Variants in CLASP2 observed in about 807,000 individuals in gnomAD.
CLASP2 encodes the protein CLIP-associating protein 2.
In CLASP2, 47 loss-of-function variants were observed where a neutral mutation model predicts 194.4. The observed-to-expected ratio is 0.24, with a 90% CI of 0.19 to 0.31. CLASP2 has a LOEUF of 0.31. CLASP2 is among the 10% of genes least tolerant of loss of function. The probability of loss-of-function intolerance (pLI) is 1.00; values close to 1 mark genes in which losing one functional copy is unlikely to be tolerated. For missense variants in CLASP2, 1,445 were observed against 1,823.6 expected, an observed-to-expected ratio of 0.79 and a Z score of 3.78; for synonymous variants, 619 against 633.5, an observed-to-expected ratio of 0.98 and a Z score of 0.34.
At chr3:33,569,259 G>GT (rs1367455804) in intron 26 of CLASP2, among the ~76,000 whole-genome samples, 2 of 152,246 alleles carry the variant, frequency 1.3e-5, no homozygotes, top group African/African-American at 2.4e-5. Flanking sequence ...TTTTAAAAAA[G>GT]TTTGTCTTTA....
At chr3:33,517,612 G>GATTTAGGTAGTGAC (rs569906625) in intron 34 of CLASP2, among the ~76,000 whole-genome samples, 2 of 152,138 alleles carry the variant, frequency 1.3e-5, no homozygotes, top group Non-Finnish European at 2.9e-5. Context: ...ACGACCACTG[G>GATTTAGGTAGTGAC]ATTTAGGTAG....
intron 23 of CLASP2, among the ~76,000 whole-genome samples, chr3:33,576,625 A>G (rs1479068167): frequency 6.6e-6 from 1 of 152,174 alleles, no homozygotes; most frequent in Non-Finnish European, 1.5e-5. Context: ...TCACAGAGTA[A>G]CCCAGGACAA....
chr3:33,659,584 T>G (rs1301779998), intron 7 of CLASP2: 1 of 193,730 alleles, frequency 5.2e-6, no homozygotes. Context: ...ACTGCTCTCA[T>G]TATGCAGGAA....
chr3:33,613,762 A>T (rs1440436206), intron 12 of CLASP2, among the ~76,000 whole-genome samples: 9 of 152,182 alleles, frequency 5.9e-5, no homozygotes, highest in Non-Finnish European at 1.2e-4. Flanking sequence ...GGTAAAACCC[A>T]TGGAGATCCC....
Position 33,645,174 on chromosome 3 carries a change from A to G in CLASP2, c.716-271T>C, listed in dbSNP as rs997388334. The G allele has an allele frequency of 1.9e-5, 14 of 751,884 alleles. No homozygotes were observed. The African/African-American group carries it at 2.4e-4, about 13-fold the overall frequency. The allele number at this position is 751,884 out of a possible 1,614,324, so 46.6% of individuals were successfully genotyped here. A position where few individuals can be genotyped will look rare whatever the true frequency, so the allele number is the denominator to read the frequency against. On this transcript the variant is annotated intron_variant, in intron 7 of 38. Coordinates refer to ENST00000682230, the MANE Select transcript of CLASP2 (RefSeq NM_001365631.1). ...AAACATTTTAACTCTAAAGGTAGTA[A>G]AAGTATTTTTCATGTTTTTGCTACT...
chr3:33,508,790 A>C (rs1364599764), intron 37 of CLASP2, among the ~76,000 whole-genome samples: 1 of 152,248 alleles, frequency 6.6e-6, no homozygotes, highest in Admixed American at 6.5e-5. Flanking sequence ...AATAACCAAT[A>C]ATCTTCAAAG....
intron 1 of CLASP2, among the ~76,000 whole-genome samples, chr3:33,714,044 C>T (rs2093168904): frequency 6.6e-6 from 1 of 152,156 alleles, no homozygotes; most frequent in African/African-American, 2.4e-5. Flanking sequence ...AAGCAATATA[C>T]TTATGTCTCC....
intron 26 of CLASP2, among the ~76,000 whole-genome samples, chr3:33,569,912 A>C (rs970729262): frequency 1.3e-5 from 2 of 152,190 alleles, no homozygotes; most frequent in Admixed American, 1.3e-4. Context: ...GGAGGAAATG[A>C]GATGTGCAAC....
intron 8 of CLASP2, among the ~76,000 whole-genome samples, chr3:33,641,720 G>A (rs1294521608): frequency 2.0e-5 from 3 of 150,148 alleles, no homozygotes; most frequent in Non-Finnish European, 4.4e-5. Flanking sequence ...TACAAAAGCA[G>A]ATTAAGTCAC....
chr3:33,648,865 A>C (rs2082707162), intron 7 of CLASP2, among the ~76,000 whole-genome samples: 2 of 152,210 alleles, frequency 1.3e-5, no homozygotes, highest in Admixed American at 1.3e-4. Context: ...CAGTCTAGGA[A>C]TAACTGTCAC....
At position 33,601,115 on chromosome 3, in the gene CLASP2, C is replaced by G. The variant is rs188039667; in HGVS notation, c.1924+1837G>C. ...CTGGGACTACAGGCGCTCGCCACCACGCCCGGCTAGTTTTTTTTGTATTTT... is the reference window on the plus strand; with the variant it reads ...CTGGGACTACAGGCGCTCGCCACCAGGCCCGGCTAGTTTTTTTTGTATTTT... On this transcript the variant is annotated intron_variant, in intron 18 of 38. Coordinates refer to ENST00000682230, the MANE Select transcript of CLASP2 (RefSeq NM_001365631.1). 8.3e-3 allele frequency among the ~76,000 whole-genome samples: 1,263 copies of G among 152,102 alleles called. 19 individuals carry two copies. The highest frequency in any genetic ancestry group is 0.027 in the African/African-American group (1,141 of 41,492).
chr3:33,613,719 C>T (rs1223241065), intron 12 of CLASP2, among the ~76,000 whole-genome samples: 1 of 152,194 alleles, frequency 6.6e-6, no homozygotes, highest in Non-Finnish European at 1.5e-5. Flanking sequence ...CTACAGCATT[C>T]ACAAGAGCCC....
intron 7 of CLASP2, chr3:33,645,377 T>C (rs2082101377): frequency 1.3e-6 from 1 of 762,478 alleles, no homozygotes; most frequent in South Asian, 1.3e-5. Context: ...CATGGCCAAA[T>C]ACAGTAAATT....
chr3:33,590,767 C>T (rs113751247), intron 21 of CLASP2, among the ~76,000 whole-genome samples: 1 of 152,238 alleles, frequency 6.6e-6, no homozygotes, highest in African/African-American at 2.4e-5. Flanking sequence ...CCTCAATGCC[C>T]CATTCTCTTT....
chr3:33,528,852 G>C (rs2055367796), intron 34 of CLASP2, among the ~76,000 whole-genome samples: 1 of 152,076 alleles, frequency 6.6e-6, no homozygotes, highest in Non-Finnish European at 1.5e-5. Context: ...GACAGATAAA[G>C]GGCCTCCAAA....
intron 22 of CLASP2, 66 bp from the exon 23 acceptor site, chr3:33,581,994 A>G: frequency 8.2e-7 from 1 of 1,214,824 alleles, no homozygotes; most frequent in Non-Finnish European, 1.2e-6. Flanking sequence ...CATTTTAAAA[A>G]ATTTTGTTTT....
chr3:33,662,689 T>C (rs1247148056), intron 7 of CLASP2, among the ~76,000 whole-genome samples: 1 of 152,214 alleles, frequency 6.6e-6, no homozygotes, highest in African/African-American at 2.4e-5. Context: ...CAACATCATT[T>C]ATATTACTAA....
At chr3:33,562,150 C>A (rs67441181) in intron 27 of CLASP2, among the ~76,000 whole-genome samples, 24,674 of 152,042 alleles carry the variant, frequency 0.16, 2,346 homozygotes, top group Admixed American at 0.3. Context: ...GCTTAAGACG[C>A]TGTATACCTG....
intron 4 of CLASP2, 27 bp downstream of exon 4, chr3:33,688,250 G>A (rs1029943826): frequency 4.0e-6 from 6 of 1,487,780 alleles, no homozygotes; most frequent in Non-Finnish European, 4.5e-6. Flanking sequence ...AAACAAGACA[G>A]TTATTTTCAG....
Sources: allele counts gnomAD v4.1 joint callset (sites outside exome capture counted in the v4.1 genomes callset), GRCh38; gene constraint gnomAD v4.1.1; transcripts MANE v1.5; gene names NCBI Gene and HGNC (gene_info 2026-07-23, HGNC 2026-07-21).